ACAT1: variants seen among roughly 807,000 people sequenced by gnomAD.
ACAT1 encodes the protein acetyl-CoA acetyltransferase 1.
Under a neutral mutation model 47.3 loss-of-function variants are expected in ACAT1, and 28 were observed. That is an observed-to-expected ratio of 0.59 (90% confidence interval 0.44 to 0.81). The LOEUF (loss-of-function observed/expected upper bound fraction) is 0.81, where lower values mean the gene tolerates loss of function less well. Ranked by LOEUF, ACAT1 falls within the 30% of genes least tolerant of loss-of-function variation. The pLI is 0.00. For missense variants in ACAT1, 469 were observed against 524.3 expected, an observed-to-expected ratio of 0.89 and a Z score of 1.03; for synonymous variants, 181 against 173.6, an observed-to-expected ratio of 1.04 and a Z score of -0.34.
At chr11:108,136,036 A>G in intron 5 of ACAT1, 1 of 613,066 alleles carries the variant, frequency 1.6e-6, no homozygotes, top group Non-Finnish European at 2.9e-6. Flanking sequence ...CTTTCTAATT[A>G]GCCTTGCTGA....
intron 1 of ACAT1, among the ~76,000 whole-genome samples, chr11:108,122,343 C>T (rs1591351112): frequency 6.6e-6 from 1 of 152,392 alleles, no homozygotes; most frequent in Non-Finnish European, 1.5e-5. Flanking sequence ...TTATTCTCCA[C>T]ATGCGTAAGC....
At position 108,147,147 on chromosome 11, in the gene ACAT1, T is replaced by C. The variant is rs2077731677; in HGVS notation, c.1164-123T>C. On this transcript the variant is annotated intron_variant, in intron 11 of 11. Transcript: ENST00000265838. ...CCAAGTTTTAGTTTTAGAATAGTAG[T>C]AGTTAATTCAGCAAGTAGTAGTGGC... The C allele has an allele frequency of 2.7e-6, 3 of 1,130,636 alleles. No homozygotes were observed. In the Admixed American group the frequency reaches 6.1e-5, roughly 23 times the overall value. The allele number at this position is 1,130,636 out of a possible 1,614,324, so 70.0% of individuals were successfully genotyped here.
chr11:108,122,883 T>C (rs1248239851), intron 1 of ACAT1, among the ~76,000 whole-genome samples: 1 of 150,954 alleles, frequency 6.6e-6, no homozygotes, highest in African/African-American at 2.5e-5. Flanking sequence ...ACTCTAGAGA[T>C]GTAAAAAAAA....
intron 1 of ACAT1, among the ~76,000 whole-genome samples, chr11:108,125,890 C>T (rs2077238208): frequency 6.7e-6 from 1 of 149,674 alleles, no homozygotes; most frequent in African/African-American, 2.5e-5. Context: ...CGCGCCACTG[C>T]ACTCCAGTCT....
intron 2 of ACAT1, among the ~76,000 whole-genome samples, chr11:108,132,942 T>C (rs1471947199): frequency 6.6e-6 from 1 of 151,024 alleles, no homozygotes; most frequent in Non-Finnish European, 1.5e-5. Flanking sequence ...CCCAGCACTT[T>C]GGGAGGCCAA....
chr11:108,132,360 T>G (rs1226894152), intron 2 of ACAT1, among the ~76,000 whole-genome samples: 1 of 152,158 alleles, frequency 6.6e-6, no homozygotes, highest in Non-Finnish European at 1.5e-5. Context: ...AGTCTCTGTT[T>G]TGTAAGGGTC....
rs2077607899 is a variant in ACAT1, at chr11:108,142,424, T to G, written c.827-13T>G. 1.2e-6 allele frequency: 2 copies of G among 1,607,398 alleles called. No individual in the cohort carries two copies. The highest frequency in any genetic ancestry group is 2.2e-5 in the South Asian group (2 of 90,768). On this transcript the variant is annotated splice_polypyrimidine_tract_variant and intron_variant, in intron 8 of 11. Transcript: ENST00000265838. ...AAGGAATGTTTTGACTTCAACCTCATTTTTGCTTTCAGGCACAGTAACAGC... is the reference window on the plus strand; with the variant it reads ...AAGGAATGTTTTGACTTCAACCTCAGTTTTGCTTTCAGGCACAGTAACAGC...
chr11:108,144,252 A>G, intron 10 of ACAT1: 1 of 599,880 alleles, frequency 1.7e-6, no homozygotes, highest in Non-Finnish European at 2.9e-6. Context: ...CTCACAAACT[A>G]CATCTTCAGT....
chr11:108,139,266 C>T (rs757201308), intron 6 of ACAT1: 17 of 540,180 alleles, frequency 3.1e-5, no homozygotes, highest in Non-Finnish European at 5.6e-5. Flanking sequence ...GCTTAGCTGG[C>T]AACTGCTTGG....
At chr11:108,132,043 A>T in intron 2 of ACAT1, 89 bp downstream of exon 2, 2 of 823,406 alleles carry the variant, frequency 2.4e-6, no homozygotes, top group South Asian at 3.0e-5. Flanking sequence ...GATACATGTG[A>T]AAGTCAAAGC....
intron 5 of ACAT1, among the ~76,000 whole-genome samples, chr11:108,137,593 ATCT>A (rs2077491840): frequency 1.3e-5 from 2 of 152,136 alleles, no homozygotes; most frequent in African/African-American, 2.4e-5. Context: ...ATTACTTCTA[ATCT>A]TCTAGAGCAC....
Position 108,140,167 on chromosome 11 carries a change from G to C in ACAT1, c.682G>C (p.Ala228Pro). 6.2e-7 allele frequency: 1 copy of C among 1,614,174 alleles called. No individual in the cohort carries two copies. The highest frequency in any genetic ancestry group is 8.5e-7 in the Non-Finnish European group (1 of 1,180,018). ...TACCAGAAGTAAAGCAGCATGGGAA[G>C]CTGGGAAATTTGGAAATGAAGTTAT... ...SYTRSKAAWE[A>P]GKFGNEVIPV... Residue 228 changes from alanine to proline, a missense_variant, in exon 7 of 12, where the codon GCT becomes CCT. Physicochemically the swap from Ala to Pro is conservative, Grantham distance 27. Coordinates refer to ENST00000265838, the MANE Select transcript of ACAT1 (RefSeq NM_000019.4).
intron 1 of ACAT1, among the ~76,000 whole-genome samples, chr11:108,130,501 C>T (rs1420009334): frequency 6.6e-6 from 1 of 151,400 alleles, no homozygotes; most frequent in Non-Finnish European, 1.5e-5. Flanking sequence ...TCAAGTGATT[C>T]TCCTGCCTCA....
chr11:108,121,055 T>C (rs564420458), upstream of ACAT1, among the ~76,000 whole-genome samples: 6 of 152,074 alleles, frequency 3.9e-5, no homozygotes, highest in South Asian at 1.2e-3. Context: ...ACAAAAATTA[T>C]CTGGTTGTGG....
chr11:108,141,110 C>T lies in ACAT1; in HGVS notation c.731-495C>T, dbSNP rs574699805. On this transcript the variant is annotated intron_variant, in intron 7 of 11. Transcript: ENST00000265838. ...GGGTATAGCAGCACACGCCTGTAGT[C>T]CCAGCTACTAGGGAATCCAAGGCAG... 6.2e-4 allele frequency among the ~76,000 whole-genome samples: 95 copies of T among 152,118 alleles called. 2 individuals are homozygous for T. The South Asian group carries it at 0.018, about 29-fold the overall frequency.
At chr11:108,130,924 A>G (rs960599680) in intron 1 of ACAT1, among the ~76,000 whole-genome samples, 14 of 151,940 alleles carry the variant, frequency 9.2e-5, no homozygotes, top group Middle Eastern at 3.2e-3. Flanking sequence ...TAATTTTTGT[A>G]TTTTTAGTAG....
At chr11:108,121,755 C>T in intron 1 of ACAT1, 77 bp downstream of exon 1, 1 of 1,494,902 alleles carries the variant, frequency 6.7e-7, no homozygotes, top group Non-Finnish European at 9.1e-7. Flanking sequence ...CAGCCCGCGG[C>T]CGTTGCGGCT....
At chr11:108,120,111 C>T (rs555011382), upstream of ACAT1, among the ~76,000 whole-genome samples, 83 of 151,956 alleles carry the variant, frequency 5.5e-4, no homozygotes, top group Non-Finnish European at 1.0e-3. Context: ...CCCAGCTACT[C>T]GTGAGGCTGA....
At chr11:108,143,729 A>G (rs1214703215) in intron 9 of ACAT1, 1 of 369,230 alleles carries the variant, frequency 2.7e-6, no homozygotes, top group Non-Finnish European at 5.0e-6. Context: ...TATTCTGACA[A>G]CCAAAAACAT....
Sources: allele counts gnomAD v4.1 joint callset (sites outside exome capture counted in the v4.1 genomes callset), GRCh38; gene constraint gnomAD v4.1.1; transcripts MANE v1.5; gene names NCBI Gene and HGNC (gene_info 2026-07-23, HGNC 2026-07-21).